Variants in ADAMTS19 observed in about 807,000 individuals in gnomAD.
The protein encoded by ADAMTS19 is A disintegrin and metalloproteinase with thrombospondin motifs 19.
A neutral mutation model predicts 153.3 loss-of-function variants in ADAMTS19; 93 were observed. The ratio of observed to expected loss-of-function variants is 0.61; its 90% CI spans 0.51 to 0.72. The LOEUF (loss-of-function observed/expected upper bound fraction) is 0.72, where lower values mean the gene tolerates loss of function less well. Among genes scored for constraint, ADAMTS19 ranks in the 30% least tolerant of loss-of-function variants. The pLI, the probability that ADAMTS19 is intolerant of heterozygous loss-of-function variation, is 0.00. For synonymous variants in ADAMTS19, 600 were observed against 556.6 expected (o/e 1.08, Z -1.10); for missense variants, 1,482 against 1,552.1 (o/e 0.95, Z 0.76).
intron 7 of ADAMTS19, among the ~76,000 whole-genome samples, chr5:129,579,445 A>G (rs955895654): frequency 6.6e-6 from 1 of 152,190 alleles, no homozygotes; most frequent in African/African-American, 2.4e-5. Context: ...TAGATTAATT[A>G]GATCCCATTT....
At position 129,598,023 on chromosome 5, in the gene ADAMTS19, T is replaced by C. The variant is rs905863201; in HGVS notation, c.1478+1359T>C. Among the ~76,000 whole-genome samples the C allele has an allele frequency of 3.3e-5, 5 of 152,192 alleles. No homozygotes were observed. The East Asian group carries it at 5.8e-4, about 18-fold the overall frequency. ...AGCAGTACAAATGAAAGTATTTTAA[T>C]TGGACTCAGATTTAGTGAGGCCCTA... On this transcript the variant is annotated intron_variant, in intron 8 of 22. Coordinates refer to ENST00000274487, the MANE Select transcript of ADAMTS19 (RefSeq NM_133638.6).
intron 7 of ADAMTS19, among the ~76,000 whole-genome samples, chr5:129,570,043 T>G (rs1236145568): frequency 1.3e-5 from 2 of 152,008 alleles, no homozygotes; most frequent in Non-Finnish European, 1.5e-5. Flanking sequence ...TCCAAAAGAA[T>G]TCTCCTAAAT....
chr5:129,642,898 C>T (rs1200061161), intron 11 of ADAMTS19, among the ~76,000 whole-genome samples: 1 of 152,174 alleles, frequency 6.6e-6, no homozygotes, highest in Non-Finnish European at 1.5e-5. Context: ...GACGCACCTA[C>T]ACACACTCAC....
intron 7 of ADAMTS19, among the ~76,000 whole-genome samples, chr5:129,574,974 T>C (rs1213564541): frequency 6.6e-6 from 1 of 151,958 alleles, no homozygotes. Flanking sequence ...AAATATTTAT[T>C]CTATTTAACA....
At position 129,461,274 on chromosome 5, in the gene ADAMTS19, G is replaced by A; in HGVS notation, c.264G>A (p.Glu88=). 1 of 1,277,698 alleles carries A rather than the reference G, an allele frequency of 7.8e-7. No homozygotes were observed. The highest frequency in any genetic ancestry group is 9.8e-7 in the Non-Finnish European group (1 of 1,018,152). The allele number at this position is 1,277,698 out of a possible 1,614,324, so 79.1% of individuals were successfully genotyped here. ...CGCAGGCTGCCGGCAGCTCACGCGAGGTGCGCTCTGTGGCTCCGGTGCCTT... is the reference window on the plus strand; with the variant it reads ...CGCAGGCTGCCGGCAGCTCACGCGAAGTGCGCTCTGTGGCTCCGGTGCCTT... ...ARAQAAGSSR[E]VRSVAPVPLE... Residue 88 remains glutamate (E), a synonymous_variant, in exon 2 of 23, where the codon GAG becomes GAA. Transcript: ENST00000274487. The surrounding 1 kb of genome is among the most constrained non-coding windows in gnomAD (Gnocchi z 4.6).
At chr5:129,662,336 C>G (rs1753849280) in intron 15 of ADAMTS19, among the ~76,000 whole-genome samples, 1 of 152,178 alleles carries the variant, frequency 6.6e-6, no homozygotes, top group African/African-American at 2.4e-5. Flanking sequence ...GATCCAACTT[C>G]TAAGCTTCTA....
chr5:129,700,505 A>T (rs1211085456), intron 19 of ADAMTS19, among the ~76,000 whole-genome samples: 1 of 152,096 alleles, frequency 6.6e-6, no homozygotes, highest in Non-Finnish European at 1.5e-5. Flanking sequence ...TTACTTTGCT[A>T]ATACCCCCAT....
chr5:129,469,666 G>T (rs1286522685), intron 2 of ADAMTS19, among the ~76,000 whole-genome samples: 1 of 152,162 alleles, frequency 6.6e-6, no homozygotes. Flanking sequence ...TATGCTGAAG[G>T]CCAGGAGAAT....
At chr5:129,619,513 C>T (rs1038446437) in intron 8 of ADAMTS19, among the ~76,000 whole-genome samples, 4 of 151,664 alleles carry the variant, frequency 2.6e-5, no homozygotes, top group African/African-American at 4.8e-5. Flanking sequence ...ATAATGATGT[C>T]GAAGAATATG....
chr5:129,672,938 T>C (rs1048294606), intron 16 of ADAMTS19, among the ~76,000 whole-genome samples: 2 of 152,160 alleles, frequency 1.3e-5, no homozygotes. Flanking sequence ...AACTGTTATC[T>C]TTAAGAAATT....
At chr5:129,580,343 G>A (rs7717560) in intron 7 of ADAMTS19, among the ~76,000 whole-genome samples, 6 of 152,244 alleles carry the variant, frequency 3.9e-5, no homozygotes, top group African/African-American at 9.6e-5. Flanking sequence ...GGGCTGAAAC[G>A]ATGGGGTTTT....
Position 129,630,931 on chromosome 5 carries a change from G to A in ADAMTS19, c.1770+8583G>A, listed in dbSNP as rs137974163. Among the ~76,000 whole-genome samples, 305 of 151,980 alleles carry A rather than the reference G, an allele frequency of 2.0e-3. 3 individuals are homozygous for A. The highest frequency in any genetic ancestry group is 3.4e-3 in the Non-Finnish European group (229 of 67,880). On this transcript the variant is annotated intron_variant, in intron 10 of 22. Transcript: ENST00000274487. ...GCAAAACATTTCAACAGACAATTCA[G>A]AAATGAAGATATGCAGATAGCCAAC...
intron 7 of ADAMTS19, among the ~76,000 whole-genome samples, chr5:129,589,213 G>GT (rs150764607): frequency 1.2e-4 from 18 of 149,740 alleles, no homozygotes; most frequent in South Asian, 6.3e-4. Flanking sequence ...TACTATCACT[G>GT]TTTTTTTTTA....
chr5:129,718,830 G>C (rs920025013), intron 21 of ADAMTS19, among the ~76,000 whole-genome samples: 11 of 152,050 alleles, frequency 7.2e-5, no homozygotes, highest in Non-Finnish European at 1.6e-4. Context: ...CTATTATATT[G>C]GTTGAGGAAA....
chr5:129,511,220 CTCTT>C (rs577989458), intron 3 of ADAMTS19, among the ~76,000 whole-genome samples: 66 of 151,824 alleles, frequency 4.3e-4, no homozygotes, highest in African/African-American at 1.6e-3. Context: ...TCTTTGTACT[CTCTT>C]AGTGTTTTCA....
At chr5:129,467,239 G>A (rs747393984) in intron 2 of ADAMTS19, among the ~76,000 whole-genome samples, 3 of 152,124 alleles carry the variant, frequency 2.0e-5, no homozygotes, top group Non-Finnish European at 4.4e-5. Context: ...ATGCCTCAGT[G>A]ACATATTTTC....
chr5:129,599,771 G>A (rs1750558280), intron 8 of ADAMTS19, among the ~76,000 whole-genome samples: 1 of 152,084 alleles, frequency 6.6e-6, no homozygotes. Flanking sequence ...AGCTCAAATG[G>A]TACGAAAATA....
At chr5:129,500,053 C>T (rs900803365) in intron 2 of ADAMTS19, among the ~76,000 whole-genome samples, 5 of 152,128 alleles carry the variant, frequency 3.3e-5, no homozygotes, top group Non-Finnish European at 7.4e-5. Context: ...GAGAAGACTT[C>T]TGGTAAATTT....
intron 7 of ADAMTS19, among the ~76,000 whole-genome samples, chr5:129,564,525 T>A (rs1030128002): frequency 2.0e-5 from 3 of 152,100 alleles, no homozygotes; most frequent in Non-Finnish European, 4.4e-5. Flanking sequence ...GAAATAAAAG[T>A]TAAGGGGAGA....
Sources: allele counts gnomAD v4.1 joint callset (sites outside exome capture counted in the v4.1 genomes callset), GRCh38; gene constraint gnomAD v4.1.1; non-coding constraint Gnocchi (gnomAD v3.1); transcripts MANE v1.5; gene names NCBI Gene and HGNC (gene_info 2026-07-23, HGNC 2026-07-21).